The following SLC1A3 variants were observed in gnomAD, a reference collection of about 807,000 sequenced individuals.
SLC1A3 encodes solute carrier family 1 member 3, also known as excitatory amino acid transporter 1.
A neutral mutation model predicts 48.1 loss-of-function variants in SLC1A3; 21 were observed. The observed-to-expected ratio is 0.44, with a 90% CI of 0.31 to 0.63. The LOEUF (loss-of-function observed/expected upper bound fraction) is 0.63, where lower values mean the gene tolerates loss of function less well. Among genes scored for constraint, SLC1A3 ranks in the 20% least tolerant of loss-of-function variants. The pLI is 0.08. For missense variants in SLC1A3, 546 were observed against 689.0 expected (o/e 0.79, Z 2.32); for synonymous variants, 239 against 251.4 (o/e 0.95, Z 0.47).
At chr5:36,672,021 G>A (rs1019226857) in intron 4 of SLC1A3, among the ~76,000 whole-genome samples, 4 of 152,122 alleles carry the variant, frequency 2.6e-5, no homozygotes, top group South Asian at 2.1e-4. Flanking sequence ...GCCAAGGTGC[G>A]GGCAGCCTTA....
At chr5:36,623,073 G>A (rs191015105) in intron 2 of SLC1A3, among the ~76,000 whole-genome samples, 7 of 150,900 alleles carry the variant, frequency 4.6e-5, no homozygotes, top group African/African-American at 1.5e-4. Context: ...AACCTCTGAA[G>A]GACTCCTTTC....
rs770174196 is a variant in SLC1A3, at chr5:36,686,313, C to A, written c.*44C>A. Reference sequence around the variant, plus strand: ...TTTCTTGAGCACCAGGTGTTAAAAACCATTATAAAATCTTTCCATCTCATT... The same window carrying A: ...TTTCTTGAGCACCAGGTGTTAAAAAACATTATAAAATCTTTCCATCTCATT... On this transcript the variant is annotated 3_prime_UTR_variant, in exon 10 of 10. Coordinates refer to ENST00000265113, the MANE Select transcript of SLC1A3 (RefSeq NM_004172.5). 4 of 1,440,084 alleles carry A rather than the reference C, an allele frequency of 2.8e-6. No homozygotes were observed. 89.2% of individuals were successfully genotyped at this position (1,440,084 alleles called of 1,614,324 possible).
chr5:36,647,004 C>T (rs1225665211), intron 3 of SLC1A3, among the ~76,000 whole-genome samples: 1 of 152,172 alleles, frequency 6.6e-6, no homozygotes, highest in African/African-American at 2.4e-5. Context: ...GTATAAAGGT[C>T]AGGGATAGAA....
chr5:36,639,470 A>G (rs189346373), intron 3 of SLC1A3, among the ~76,000 whole-genome samples: 7 of 152,376 alleles, frequency 4.6e-5, no homozygotes, highest in Middle Eastern at 3.4e-3. Context: ...GATATGTCTT[A>G]TCACTGAATG....
At chr5:36,604,405 C>T (rs139985539), upstream of SLC1A3, among the ~76,000 whole-genome samples, 256 of 152,020 alleles carry the variant, frequency 1.7e-3, 1 homozygote, top group African/African-American at 5.8e-3. Flanking sequence ...GGTAGAAATA[C>T]GCGTTGAGGA....
intron 6 of SLC1A3, 24 bp downstream of exon 6, chr5:36,677,208 A>G (rs770494394): frequency 1.3e-6 from 2 of 1,594,968 alleles, no homozygotes; most frequent in South Asian, 1.1e-5. Context: ...TTTTCTATAT[A>G]TGTTATATAC....
chr5:36,649,965 C>T (rs997746561), intron 3 of SLC1A3, among the ~76,000 whole-genome samples: 2 of 152,222 alleles, frequency 1.3e-5, no homozygotes, highest in Non-Finnish European at 2.9e-5. Flanking sequence ...TAATACGTTC[C>T]ATCATGGATT....
chr5:36,630,631 C>T (rs1487015241), intron 3 of SLC1A3, among the ~76,000 whole-genome samples: 1 of 152,188 alleles, frequency 6.6e-6, no homozygotes, highest in Non-Finnish European at 1.5e-5. Flanking sequence ...GATATTTATA[C>T]TATCCTTCAA....
chr5:36,670,972 T>C, intron 3 of SLC1A3, 57 bp from the exon 4 acceptor site: 3 of 1,460,004 alleles, frequency 2.1e-6, no homozygotes, highest in Non-Finnish European at 2.9e-6. Flanking sequence ...CCCATTGTTT[T>C]CCACTGGAGA....
intron 2 of SLC1A3, 39 bp from the exon 3 acceptor site, chr5:36,629,411 C>T (rs1303391075): frequency 2.5e-6 from 4 of 1,578,780 alleles, no homozygotes; most frequent in East Asian, 2.3e-5. Flanking sequence ...TCAAAAAAGA[C>T]TCAATTTTTC....
At chr5:36,628,601 G>A (rs763794314) in intron 2 of SLC1A3, among the ~76,000 whole-genome samples, 2 of 152,202 alleles carry the variant, frequency 1.3e-5, no homozygotes, top group Non-Finnish European at 2.9e-5. Flanking sequence ...AGTAAATTAG[G>A]TAAAGGGGAG....
At chr5:36,635,685 A>G (rs189314399) in intron 3 of SLC1A3, among the ~76,000 whole-genome samples, 2 of 152,292 alleles carry the variant, frequency 1.3e-5, no homozygotes, top group East Asian at 1.9e-4. Flanking sequence ...CTCAGCCCCA[A>G]TGTGTAACAC....
chr5:36,623,048 G>A (rs1000191037), intron 2 of SLC1A3, among the ~76,000 whole-genome samples: 3 of 148,770 alleles, frequency 2.0e-5, no homozygotes, highest in Non-Finnish European at 4.5e-5. Flanking sequence ...AGTGTTTGTT[G>A]TTAGGAAAAC....
chr5:36,648,126 G>A (rs931075142), intron 3 of SLC1A3, among the ~76,000 whole-genome samples: 6 of 152,066 alleles, frequency 3.9e-5, no homozygotes, highest in East Asian at 1.9e-4. Flanking sequence ...ATAAATATGC[G>A]AGGAATAGTG....
At chr5:36,654,290 A>G (rs1286484785) in intron 3 of SLC1A3, among the ~76,000 whole-genome samples, 1 of 152,204 alleles carries the variant, frequency 6.6e-6, no homozygotes, top group Admixed American at 6.5e-5. Context: ...GAGCCAATGG[A>G]AATGTTCTCG....
At chr5:36,667,379 C>T (rs1359269015) in intron 3 of SLC1A3, among the ~76,000 whole-genome samples, 1 of 152,204 alleles carries the variant, frequency 6.6e-6, no homozygotes, top group Non-Finnish European at 1.5e-5. Context: ...AGTGGCTCAT[C>T]TTAGCAATTA....
Position 36,608,530 on chromosome 5 carries a change from T to C in SLC1A3, c.107T>C (p.Ile36Thr). ...TTGGCCAAGAAGAAAGTGCAGAACA[T>C]TACAAAGGAGGATGTTAAAAGTTAC... ...TLLAKKKVQN[I>T]TKEDVKSYLF... Residue 36 changes from isoleucine to threonine, a missense_variant, in exon 2 of 10, where the codon ATT becomes ACT. Coordinates refer to ENST00000265113, the MANE Select transcript of SLC1A3 (RefSeq NM_004172.5). 6.2e-7 allele frequency: 1 copy of C among 1,614,034 alleles called. No homozygotes were observed. The highest frequency in any genetic ancestry group is 8.5e-7 in the Non-Finnish European group (1 of 1,179,914).
rs1200209870 is a variant in SLC1A3 at position 36,680,468 on chromosome 5, G to A, written c.1168G>A (p.Val390Met). 1.2e-5 allele frequency: 20 copies of A among 1,614,018 alleles called. No individual in the cohort carries two copies. Among genetic ancestry groups the A allele is most frequent in the African/African-American group, 4.0e-5 (3 of 74,912 alleles). Reference sequence around the variant, plus strand: ...CGTGGACAAGCGCGTCACCAGATTCGTGCTCCCCGTAGGAGCCACCATTAA... The same window carrying A: ...CGTGGACAAGCGCGTCACCAGATTCATGCTCCCCGTAGGAGCCACCATTAA... ...NGVDKRVTRF[V>M]LPVGATINMD... Residue 390 changes from valine to methionine, a missense_variant, in exon 8 of 10, where the codon GTG becomes ATG. Physicochemically the swap from Val to Met is conservative, Grantham distance 21. Around this residue, in one of 3 missense-constraint regions of SLC1A3, gnomAD observed 142 missense variants for 238.0 expected, o/e 0.60. Coordinates refer to ENST00000265113, the MANE Select transcript of SLC1A3 (RefSeq NM_004172.5).
exon 1 of SLC1A3, among the ~76,000 whole-genome samples, chr5:36,596,615 G>T (rs374515549): frequency 2.6e-5 from 4 of 152,188 alleles, no homozygotes; most frequent in Admixed American, 6.5e-5. Flanking sequence ...ATGGAGTAAA[G>T]GTGCAAGTCC....
Sources: gnomAD v4.1 joint callset for allele counts (sites outside exome capture counted in the v4.1 genomes callset) on GRCh38, gnomAD v4.1.1 for gene constraint, gnomAD v4.1.1 regional missense constraint, MANE v1.5 for transcripts, NCBI Gene and HGNC (gene_info 2026-07-23, HGNC 2026-07-21) for gene names.